BCAS3: variants seen among roughly 807,000 people sequenced by gnomAD.
BCAS3 encodes BCAS4/BCAS3 fusion.
In BCAS3, 53 loss-of-function variants were observed where a neutral mutation model predicts 116.1. The ratio of observed to expected loss-of-function variants is 0.46; its 90% CI spans 0.37 to 0.57. BCAS3 has a LOEUF of 0.57. Among genes scored for constraint, BCAS3 ranks in the 20% least tolerant of loss-of-function variants. The probability of loss-of-function intolerance (pLI) is 0.00; values close to 1 mark genes in which losing one functional copy is unlikely to be tolerated. For synonymous variants in BCAS3, 391 were observed against 408.2 expected, an observed-to-expected ratio of 0.96 and a Z score of 0.51; for missense variants, 917 against 1,165.4, an observed-to-expected ratio of 0.79 and a Z score of 3.10.
chr17:61,095,975 A>G lies in BCAS3; in HGVS notation c.2425+11411A>G, dbSNP rs144311666. The stretch of plus-strand genomic sequence containing the variant: ...TCAAATTTGGAAGTATTGACATCTT[A>G]AAAATACTAAATCTTTCAAAACAAG... On this transcript the variant is annotated intron_variant, in intron 22 of 23. Transcript: ENST00000407086. The surrounding 1 kb of genome is among the most constrained non-coding windows in gnomAD (Gnocchi z 4.7). Among the ~76,000 whole-genome samples, 1 of 152,228 alleles carries G rather than the reference A, an allele frequency of 6.6e-6. No homozygotes were observed. The highest frequency in any genetic ancestry group is 1.5e-5 in the Non-Finnish European group (1 of 68,020).
intron 22 of BCAS3, among the ~76,000 whole-genome samples, chr17:61,291,545 G>GA (rs148424258): frequency 1.3e-5 from 2 of 152,136 alleles, no homozygotes; most frequent in African/African-American, 4.8e-5. Context: ...TATTTGCCGG[G>GA]AAAAAAATGG....
Position 61,373,172 on chromosome 17 carries a change from C to A in BCAS3, c.2593+4678C>A, listed in dbSNP as rs962662789. On this transcript the variant is annotated intron_variant, in intron 23 of 23. Transcript: ENST00000407086. ...GTGGCATGATCTCGGCTCACTGCAA[C>A]CTCCGTCTCTGGGTTCAAGCAATTC... Among the ~76,000 whole-genome samples, 14 of 151,834 alleles carry A rather than the reference C, an allele frequency of 9.2e-5. No individual in the cohort carries two copies. In the East Asian group the frequency reaches 2.5e-3, roughly 27 times the overall value.
intron 9 of BCAS3, among the ~76,000 whole-genome samples, chr17:60,880,414 A>G (rs1599383632): frequency 6.6e-6 from 1 of 152,020 alleles, no homozygotes; most frequent in Admixed American, 6.6e-5. Flanking sequence ...TCAGCCTCTC[A>G]AGTAGCTGGG....
At chr17:60,959,804 G>A (rs1457300811) in intron 14 of BCAS3, among the ~76,000 whole-genome samples, 1 of 152,154 alleles carries the variant, frequency 6.6e-6, no homozygotes, top group Non-Finnish European at 1.5e-5. Context: ...AAATCAAAAT[G>A]TAAGCAAGGC....
chr17:60,688,308 A>G (rs898579513), intron 3 of BCAS3: 7 of 151,812 alleles, frequency 4.6e-5, no homozygotes, highest in African/African-American at 1.7e-4. Flanking sequence ...ATTAGGGGAG[A>G]ATTTTTTTTT....
chr17:60,773,772 C>T (rs2044988601), intron 6 of BCAS3, among the ~76,000 whole-genome samples: 1 of 152,106 alleles, frequency 6.6e-6, no homozygotes, highest in Non-Finnish European at 1.5e-5. Flanking sequence ...CTCAGTGTCC[C>T]AAGTAGTTGG....
intron 19 of BCAS3, among the ~76,000 whole-genome samples, chr17:61,047,840 TCAGGTAATTTGGCAG>T (rs1314721466): frequency 6.6e-6 from 1 of 152,048 alleles, no homozygotes; most frequent in Non-Finnish European, 1.5e-5. Flanking sequence ...CTCCTTTCTT[TCAGGTAATTTGGCAG>T]CAACAGTGTT....
chr17:60,854,949 G>GTTTTTTTTTTTT lies in BCAS3; in HGVS notation c.477-13617_477-13606dup, dbSNP rs1267985905. Among the ~76,000 whole-genome samples, 35 of 121,956 alleles carry GTTTTTTTTTTTT rather than the reference G, an allele frequency of 2.9e-4. 2 individuals carry two copies. Among genetic ancestry groups the GTTTTTTTTTTTT allele is most frequent in the African/African-American group, 9.9e-4 (28 of 28,216 alleles). The allele number at this position is 121,956 out of a possible 152,430, so 80.0% of individuals were successfully genotyped here. On this transcript the variant is annotated intron_variant, in intron 7 of 23. Coordinates refer to ENST00000407086, the MANE Select transcript of BCAS3 (RefSeq NM_017679.5). The stretch of plus-strand genomic sequence containing the variant: ...ATTTTTCTTATTTATTTTCAGTGAG[G>GTTTTTTTTTTTT]TTTTTTTTTTTTTTTTTTTTTGTAG...
chr17:61,201,925 G>T (rs1488390117), intron 22 of BCAS3, among the ~76,000 whole-genome samples: 1 of 151,168 alleles, frequency 6.6e-6, no homozygotes, highest in Non-Finnish European at 1.5e-5. Context: ...CGCTCGGCTA[G>T]TTTTTGTTAT....
At chr17:61,290,504 A>G (rs2052281183) in intron 22 of BCAS3, among the ~76,000 whole-genome samples, 1 of 152,240 alleles carries the variant, frequency 6.6e-6, no homozygotes. Context: ...TACTAACCAA[A>G]AATAAACCAA....
chr17:60,691,639 CTTA>C (rs1472313793), intron 4 of BCAS3, among the ~76,000 whole-genome samples: 2 of 149,366 alleles, frequency 1.3e-5, no homozygotes, highest in Non-Finnish European at 1.5e-5. Flanking sequence ...GTATTAATTC[CTTA>C]TTAGATATAT....
At position 60,924,598 on chromosome 17, in the gene BCAS3, C is replaced by T. The variant is rs559402580; in HGVS notation, c.1087+98C>T. On this transcript the variant is annotated intron_variant, in intron 13 of 23. Coordinates refer to ENST00000407086, the MANE Select transcript of BCAS3 (RefSeq NM_017679.5). ...TGGAATATGGAATCTGACTTTTCTTCATGTATCAGTATATATCAGAAAAGT... is the reference window on the plus strand; with the variant it reads ...TGGAATATGGAATCTGACTTTTCTTTATGTATCAGTATATATCAGAAAAGT... The T allele has an allele frequency of 1.8e-5, 16 of 891,954 alleles. No homozygotes were observed. The African/African-American group carries it at 2.8e-4, about 16-fold the overall frequency. The allele number at this position is 891,954 out of a possible 1,614,324, so 55.3% of individuals were successfully genotyped here.
At chr17:61,195,394 C>T (rs2080417424) in intron 22 of BCAS3, among the ~76,000 whole-genome samples, 1 of 152,208 alleles carries the variant, frequency 6.6e-6, no homozygotes, top group South Asian at 2.1e-4. Flanking sequence ...AGGTCTCATT[C>T]TGTTGTCTAG....
At chr17:61,358,993 C>G (rs2058305803) in intron 22 of BCAS3, among the ~76,000 whole-genome samples, 1 of 152,134 alleles carries the variant, frequency 6.6e-6, no homozygotes, top group African/African-American at 2.4e-5. Flanking sequence ...GTTGCTTCTC[C>G]TACTCTCCTG....
chr17:61,153,749 A>G (rs762425147), intron 22 of BCAS3, among the ~76,000 whole-genome samples: 2 of 152,158 alleles, frequency 1.3e-5, no homozygotes, highest in African/African-American at 2.4e-5. Flanking sequence ...GTTTGGCTAA[A>G]CTTTGCTGTT....
chr17:60,855,618 C>G lies in BCAS3; in HGVS notation c.477-12958C>G, dbSNP rs746798176. On this transcript the variant is annotated intron_variant, in intron 7 of 23. Transcript: ENST00000407086. The stretch of plus-strand genomic sequence containing the variant: ...TACAGGTGTGTGCCACCACGCCCGG[C>G]CACTATTTTTAAATTTTTATCAGTT... Among the ~76,000 whole-genome samples the G allele has an allele frequency of 4.6e-5, 7 of 152,000 alleles. No individual in the cohort carries two copies. The South Asian group carries it at 1.5e-3, about 32-fold the overall frequency.
intron 6 of BCAS3, among the ~76,000 whole-genome samples, chr17:60,752,675 G>A (rs1280907866): frequency 1.3e-5 from 2 of 151,886 alleles, no homozygotes; most frequent in African/African-American, 2.4e-5. Context: ...CGCCTGCCTC[G>A]GCCTTGTGTA....
chr17:61,338,472 T>C (rs540662781), intron 22 of BCAS3, among the ~76,000 whole-genome samples: 1 of 152,300 alleles, frequency 6.6e-6, no homozygotes, highest in Non-Finnish European at 1.5e-5. Context: ...CTTCCTGTTT[T>C]ATTGTGTTTG....
At chr17:60,821,477 A>G (rs1460973215) in intron 7 of BCAS3, among the ~76,000 whole-genome samples, 4 of 152,056 alleles carry the variant, frequency 2.6e-5, no homozygotes, top group African/African-American at 7.2e-5. Context: ...TTATTCCCCA[A>G]AGTTTCCTCA....
Sources: allele counts gnomAD v4.1 joint callset (sites outside exome capture counted in the v4.1 genomes callset), GRCh38; gene constraint gnomAD v4.1.1; non-coding constraint Gnocchi (gnomAD v3.1); transcripts MANE v1.5; gene names NCBI Gene and HGNC (gene_info 2026-07-23, HGNC 2026-07-21).